Variants in IL1RAPL1 observed in about 807,000 individuals in gnomAD.
IL1RAPL1 encodes interleukin-1 receptor accessory protein-like 1.
Under a neutral mutation model 48.4 loss-of-function variants are expected in IL1RAPL1, and 3 were observed. That is an observed-to-expected ratio of 0.06 (90% CI 0.03 to 0.16). The LOEUF (loss-of-function observed/expected upper bound fraction) is 0.16. Ranked by LOEUF, IL1RAPL1 falls within the 10% of genes least tolerant of loss-of-function variation. The probability of loss-of-function intolerance (pLI) is 1.00; values close to 1 mark genes in which losing one functional copy is unlikely to be tolerated. For missense variants in IL1RAPL1, 349 were observed against 530.6 expected (o/e 0.66, Z 3.36); for synonymous variants, 185 against 187.7 (o/e 0.99, Z 0.12).
intron 5 of IL1RAPL1, among the ~76,000 whole-genome samples, chrX:29,585,203 C>A (rs1290962564): frequency 9.0e-6 from 1 of 111,666 alleles, no homozygotes; most frequent in South Asian, 3.8e-4. Flanking sequence ...CCATTTATCC[C>A]CACCTCTATC....
intron 2 of IL1RAPL1, among the ~76,000 whole-genome samples, chrX:28,921,074 A>C (rs1321866501): frequency 1.8e-5 from 2 of 111,287 alleles, no homozygotes; most frequent in East Asian, 5.7e-4. Flanking sequence ...ATGTGAAGAG[A>C]AGAGCAGAAA....
At chrX:28,979,592 G>A (rs764194050) in intron 2 of IL1RAPL1, among the ~76,000 whole-genome samples, 2 of 111,483 alleles carry the variant, frequency 1.8e-5, no homozygotes, top group South Asian at 3.8e-4. Context: ...ATACCTTTTT[G>A]CTTCTCTAGC....
At position 29,712,433 on chromosome X, in the gene IL1RAPL1, A is replaced by G. The variant is rs762311985; in HGVS notation, c.778+43929A>G. 1.2e-4 allele frequency among the ~76,000 whole-genome samples: 14 copies of G among 112,152 alleles called. No homozygotes were observed. The East Asian group carries it at 3.6e-3, about 29-fold the overall frequency. ...TAAAATAGGACAAGGACCTTCATACACTGAGGAATGATATAAAAATACAAA... is the reference window on the plus strand; with the variant it reads ...TAAAATAGGACAAGGACCTTCATACGCTGAGGAATGATATAAAAATACAAA... On this transcript the variant is annotated intron_variant, in intron 6 of 10. Coordinates refer to ENST00000378993, the MANE Select transcript of IL1RAPL1 (RefSeq NM_014271.4).
intron 2 of IL1RAPL1, among the ~76,000 whole-genome samples, chrX:29,167,650 T>C (rs745411787): frequency 1.1e-4 from 12 of 110,858 alleles, no homozygotes; most frequent in African/African-American, 3.6e-4. Flanking sequence ...TGAAATCATG[T>C]TACTCTTATT....
At chrX:29,865,746 C>T (rs1337404082) in intron 6 of IL1RAPL1, among the ~76,000 whole-genome samples, 6 of 104,291 alleles carry the variant, frequency 5.8e-5, no homozygotes, top group Non-Finnish European at 1.2e-4. Context: ...AAGCAATTCT[C>T]CTGCCTCAGC....
At chrX:29,899,846 C>T (rs1932464410) in intron 6 of IL1RAPL1, among the ~76,000 whole-genome samples, 1 of 111,677 alleles carries the variant, frequency 9.0e-6, no homozygotes, top group African/African-American at 3.3e-5. Context: ...ACCCGGCCAA[C>T]AGTGAATTTT....
chrX:29,789,659 CA>C (rs920037464), intron 6 of IL1RAPL1, among the ~76,000 whole-genome samples: 11 of 110,276 alleles, frequency 1.0e-4, no homozygotes, highest in African/African-American at 3.6e-4. Context: ...CTATTTTCTC[CA>C]GAGCAATAGA....
intron 3 of IL1RAPL1, among the ~76,000 whole-genome samples, chrX:29,342,147 TGTGTGTG>T (rs1330635538): frequency 1.6e-4 from 15 of 95,401 alleles, no homozygotes; most frequent in African/African-American, 7.8e-4. Context: ...TGTGTGTGTG[TGTGTGTG>T]TTTGTTTTGT....
At chrX:29,534,150 A>G (rs1921136532) in intron 5 of IL1RAPL1, among the ~76,000 whole-genome samples, 1 of 111,906 alleles carries the variant, frequency 8.9e-6, no homozygotes, top group Non-Finnish European at 1.9e-5. Flanking sequence ...TAAATTACAG[A>G]GAAATTTACA....
intron 6 of IL1RAPL1, among the ~76,000 whole-genome samples, chrX:29,877,112 T>C (rs774031625): frequency 6.4e-4 from 72 of 111,863 alleles, no homozygotes; most frequent in African/African-American, 2.3e-3. Flanking sequence ...TGTTGTCATA[T>C]CCCAGAAACG....
chrX:29,370,483 T>TC (rs1037613233), intron 3 of IL1RAPL1, among the ~76,000 whole-genome samples: 2 of 110,644 alleles, frequency 1.8e-5, no homozygotes, highest in South Asian at 3.8e-4. Flanking sequence ...CTTTTTTTTT[T>TC]CCCTTAGCCA....
At chrX:28,870,248 A>G (rs1287794242) in intron 2 of IL1RAPL1, among the ~76,000 whole-genome samples, 1 of 111,485 alleles carries the variant, frequency 9.0e-6, no homozygotes, top group South Asian at 3.8e-4. Context: ...GTATATACCT[A>G]GAAGTGTAGT....
chrX:29,453,306 G>A (rs1934701853), intron 5 of IL1RAPL1, among the ~76,000 whole-genome samples: 1 of 110,224 alleles, frequency 9.1e-6, no homozygotes. Flanking sequence ...GAAGTAAAAG[G>A]TAGTTTTACT....
intron 5 of IL1RAPL1, among the ~76,000 whole-genome samples, chrX:29,653,724 C>G (rs937408730): frequency 4.5e-5 from 5 of 110,457 alleles, no homozygotes; most frequent in African/African-American, 1.3e-4. Context: ...TTGAAATCTT[C>G]TCTGGTGGGA....
At chrX:29,615,987 G>A (rs1602327969) in intron 5 of IL1RAPL1, among the ~76,000 whole-genome samples, 1 of 111,011 alleles carries the variant, frequency 9.0e-6, no homozygotes, top group Admixed American at 9.6e-5. Context: ...GCTTTGAAGG[G>A]ATGGGCATTA....
intron 5 of IL1RAPL1, among the ~76,000 whole-genome samples, chrX:29,589,237 ATTCTCTGGGC>A (rs964285016): frequency 1.3e-4 from 15 of 111,730 alleles, no homozygotes; most frequent in Non-Finnish European, 2.4e-4. Context: ...ATTTTATAGC[ATTCTCTGGGC>A]TTATCATTTT....
At chrX:29,615,441 G>A (rs947489472) in intron 5 of IL1RAPL1, among the ~76,000 whole-genome samples, 1 of 110,142 alleles carries the variant, frequency 9.1e-6, no homozygotes, top group African/African-American at 3.3e-5. Context: ...AGAGGGGACG[G>A]GAGAAAAAAG....
chrX:28,719,609 C>A (rs1193148347), intron 1 of IL1RAPL1, among the ~76,000 whole-genome samples: 1 of 110,542 alleles, frequency 9.0e-6, no homozygotes, highest in Non-Finnish European at 1.9e-5. Context: ...TAAATTTCTT[C>A]ATGTATACAG....
chrX:29,425,541 G>T (rs764262445), intron 5 of IL1RAPL1, among the ~76,000 whole-genome samples: 4 of 111,355 alleles, frequency 3.6e-5, no homozygotes, highest in Non-Finnish European at 7.5e-5. Context: ...GTTTTTGGGG[G>T]ATTTGGAAAA....
Sources: gnomAD v4.1 joint callset for allele counts (sites outside exome capture counted in the v4.1 genomes callset) on GRCh38, gnomAD v4.1.1 for gene constraint, MANE v1.5 for transcripts, NCBI Gene and HGNC (gene_info 2026-07-23, HGNC 2026-07-21) for gene names.